Variants in ADAMTSL3 observed in about 807,000 individuals in gnomAD.
ADAMTSL3 encodes ADAMTS like 3.
A neutral mutation model predicts 201.7 loss-of-function variants in ADAMTSL3; 128 were observed. The ratio of observed to expected loss-of-function variants is 0.63; its 90% CI spans 0.55 to 0.73. The LOEUF (loss-of-function observed/expected upper bound fraction) is 0.73. ADAMTSL3 is among the 30% of genes least tolerant of loss of function. The pLI is 0.00. For missense variants in ADAMTSL3, 1,990 were observed against 2,119.6 expected, an observed-to-expected ratio of 0.94 and a Z score of 1.20; for synonymous variants, 738 against 748.4, an observed-to-expected ratio of 0.99 and a Z score of 0.23.
chr15:84,027,374 A>G (rs1386477526), intron 27 of ADAMTSL3, among the ~76,000 whole-genome samples: 2 of 152,220 alleles, frequency 1.3e-5, no homozygotes, highest in Non-Finnish European at 2.9e-5. Context: ...ACCCCTAGGT[A>G]TGTATCCAAA....
chr15:83,723,891 TGAA>T (rs142364666), intron 3 of ADAMTSL3, among the ~76,000 whole-genome samples: 1,707 of 152,184 alleles, frequency 0.011, 98 homozygotes, highest in Admixed American at 0.097. Context: ...TAAATACTGA[TGAA>T]GAAGCACTTG....
intron 5 of ADAMTSL3, among the ~76,000 whole-genome samples, chr15:83,815,029 T>C (rs1222354079): frequency 2.0e-5 from 3 of 152,214 alleles, no homozygotes; most frequent in Non-Finnish European, 4.4e-5. Context: ...TTTTGTCATT[T>C]GTTGGCTGTG....
intron 19 of ADAMTSL3, among the ~76,000 whole-genome samples, chr15:83,952,226 G>A (rs2066770769): frequency 6.6e-6 from 1 of 152,028 alleles, no homozygotes; most frequent in Admixed American, 6.6e-5. Context: ...TTGTCATTCA[G>A]GAGCATATTG....
At chr15:83,754,864 G>T (rs2062693738) in intron 3 of ADAMTSL3, among the ~76,000 whole-genome samples, 1 of 152,180 alleles carries the variant, frequency 6.6e-6, no homozygotes, top group Admixed American at 6.5e-5. Context: ...ATCACAAAAG[G>T]TGAGGAGATT....
chr15:83,963,997 G>A (rs967642224), intron 19 of ADAMTSL3, among the ~76,000 whole-genome samples: 8 of 151,728 alleles, frequency 5.3e-5, no homozygotes, highest in African/African-American at 1.2e-4. Context: ...CAGAAACCCC[G>A]GAAACCCCAC....
At chr15:83,697,973 AC>A (rs990041351) in intron 2 of ADAMTSL3, among the ~76,000 whole-genome samples, 5 of 152,024 alleles carry the variant, frequency 3.3e-5, no homozygotes, top group Non-Finnish European at 5.9e-5. Flanking sequence ...TGCTTCTAGC[AC>A]CCAGGAAATT....
At chr15:83,790,029 C>A (rs1156248709) in intron 4 of ADAMTSL3, among the ~76,000 whole-genome samples, 1 of 151,578 alleles carries the variant, frequency 6.6e-6, no homozygotes, top group Non-Finnish European at 1.5e-5. Context: ...CAAAAGATAT[C>A]CTTAATATGA....
intron 17 of ADAMTSL3, among the ~76,000 whole-genome samples, chr15:83,927,622 G>C (rs116619449): frequency 6.6e-6 from 1 of 152,084 alleles, no homozygotes; most frequent in Non-Finnish European, 1.5e-5. Context: ...ATGAATAAAG[G>C]CTCTTGTTTT....
intron 3 of ADAMTSL3, among the ~76,000 whole-genome samples, chr15:83,737,636 G>T (rs1417898087): frequency 6.6e-6 from 1 of 152,136 alleles, no homozygotes; most frequent in Non-Finnish European, 1.5e-5. Context: ...GTTCTTTATA[G>T]CAGTGTGAGA....
intron 17 of ADAMTSL3, among the ~76,000 whole-genome samples, chr15:83,932,387 G>C (rs939303530): frequency 6.6e-6 from 1 of 152,234 alleles, no homozygotes; most frequent in Admixed American, 6.5e-5. Context: ...AGTGGGGACA[G>C]TTGTCAGTCT....
chr15:83,892,596 AC>A, intron 12 of ADAMTSL3, 87 bp from the exon 13 acceptor site: 1 of 1,289,760 alleles, frequency 7.8e-7, no homozygotes. Flanking sequence ...CACAATTGAT[AC>A]CTTAAGGCCA....
rs146352045 is a variant in ADAMTSL3 at position 83,767,228 on chromosome 15, G to A, written c.190-6295G>A. Among the ~76,000 whole-genome samples, 265 of 152,312 alleles carry A rather than the reference G, an allele frequency of 1.7e-3. 1 individual carries two copies. The highest frequency in any genetic ancestry group is 3.3e-3 in the Non-Finnish European group (226 of 68,024). On this transcript the variant is annotated intron_variant, in intron 3 of 29. Coordinates refer to ENST00000286744, the MANE Select transcript of ADAMTSL3 (RefSeq NM_207517.3). ...GCTGAGAAGGTTAGAGAGAAGGTGG[G>A]AAAAGTACTGGCAGGCAGTACTCAC... is the stretch of plus-strand genomic sequence containing the variant.
chr15:83,698,351 G>C (rs972032515), intron 2 of ADAMTSL3, among the ~76,000 whole-genome samples: 1 of 152,000 alleles, frequency 6.6e-6, no homozygotes, highest in African/African-American at 2.4e-5. Context: ...AGCTGGATGG[G>C]GATGTGGAGA....
intron 2 of ADAMTSL3, among the ~76,000 whole-genome samples, chr15:83,696,910 G>A (rs148135762): frequency 1.5e-3 from 223 of 152,266 alleles, no homozygotes; most frequent in Middle Eastern, 0.014. Context: ...CGTGCAGTTG[G>A]GTTCTCAATC....
intron 20 of ADAMTSL3, among the ~76,000 whole-genome samples, chr15:83,978,233 G>A (rs1329555592): frequency 6.6e-6 from 1 of 152,220 alleles, no homozygotes; most frequent in Non-Finnish European, 1.5e-5. Context: ...GACCCAGTAA[G>A]CAAGGAGCTG....
In ADAMTSL3 at chr15:83,704,611, A is replaced by G. The variant is rs1037913185; in HGVS notation, c.189+103A>G. 1.5e-5 allele frequency: 22 copies of G among 1,481,528 alleles called. No individual in the cohort carries two copies. In the Admixed American group the frequency reaches 3.9e-4, roughly 26 times the overall value. The allele number at this position is 1,481,528 out of a possible 1,614,324, so 91.8% of individuals were successfully genotyped here. On this transcript the variant is annotated intron_variant, in intron 3 of 29. Transcript: ENST00000286744. The stretch of plus-strand genomic sequence containing the variant: ...AAAGTAATTATATTTTCCTCTTTGC[A>G]ATACAAGTACAACAGACCCTTGACA...
chr15:83,951,999 AT>A (rs1464130591), intron 19 of ADAMTSL3, among the ~76,000 whole-genome samples: 9 of 151,934 alleles, frequency 5.9e-5, no homozygotes, highest in African/African-American at 2.2e-4. Context: ...TCTTCTACTA[AT>A]TTTGGGTTGT....
At chr15:83,790,035 T>A (rs1442766147) in intron 4 of ADAMTSL3, among the ~76,000 whole-genome samples, 1 of 151,858 alleles carries the variant, frequency 6.6e-6, no homozygotes, top group Non-Finnish European at 1.5e-5. Flanking sequence ...ATATCCTTAA[T>A]ATGAAATAAG....
intron 15 of ADAMTSL3, among the ~76,000 whole-genome samples, chr15:83,911,091 A>T (rs1270943971): frequency 2.0e-5 from 3 of 152,202 alleles, no homozygotes; most frequent in Admixed American, 1.3e-4. Flanking sequence ...AAAATTAATG[A>T]CCATAAGGTA....
Sources: allele counts gnomAD v4.1 joint callset (sites outside exome capture counted in the v4.1 genomes callset), GRCh38; gene constraint gnomAD v4.1.1; transcripts MANE v1.5; gene names NCBI Gene and HGNC (gene_info 2026-07-23, HGNC 2026-07-21).